Variants in MYH14 observed in about 807,000 individuals in gnomAD.
MYH14 encodes the protein myosin heavy chain 14, also known as myosin-14.
In MYH14, 123 loss-of-function variants were observed where a neutral mutation model predicts 255.5. The observed-to-expected ratio is 0.48, with a 90% CI of 0.42 to 0.56. The LOEUF (loss-of-function observed/expected upper bound fraction) is 0.56, where lower values mean the gene tolerates loss of function less well. MYH14 is among the 20% of genes least tolerant of loss of function. The probability of loss-of-function intolerance (pLI) is 0.00; values close to 1 mark genes in which losing one functional copy is unlikely to be tolerated. For synonymous variants in MYH14, 1,095 were observed against 1,161.2 expected, an observed-to-expected ratio of 0.94 and a Z score of 1.16; for missense variants, 2,423 against 2,802.3, an observed-to-expected ratio of 0.86 and a Z score of 3.06.
chr19:50,284,279 C>A (rs967798678), intron 33 of MYH14, among the ~76,000 whole-genome samples: 1 of 151,936 alleles, frequency 6.6e-6, no homozygotes. Context: ...ATAGATTGTG[C>A]TTTTAGTATT....
At position 50,257,324 on chromosome 19, in the gene MYH14, G is replaced by A. The variant is rs2034627466; in HGVS notation, c.2070G>A (p.Gln690=). The change falls in exon 18 of 43, where the codon CAG becomes CAA. Residue 690 remains glutamine (Q), a synonymous_variant. Transcript: ENST00000642316. ...PGVEGIVGLE[Q]VSSLGDGPPG... is the part of the protein sequence containing the mutation. ...TGGAGGGCATCGTGGGGCTGGAACA[G>A]GTGAGCAGCCTGGGCGACGGCCCAC... 1.2e-6 allele frequency: 2 copies of A among 1,608,558 alleles called. No homozygotes were observed. Among genetic ancestry groups the A allele is most frequent in the South Asian group, 1.1e-5 (1 of 90,142 alleles).
At chr19:50,206,432 G>T (rs2031757676) in intron 1 of MYH14, among the ~76,000 whole-genome samples, 1 of 151,492 alleles carries the variant, frequency 6.6e-6, no homozygotes. Context: ...GTGGGTGGGG[G>T]TGAGGGTAAA....
chr19:50,260,748 C>CGTGT lies in MYH14; in HGVS notation c.2424+43_2424+46dup, dbSNP rs149039486. 23,597 of 1,317,878 alleles carry CGTGT rather than the reference C, an allele frequency of 0.018. 293 individuals carry two copies. The highest frequency in any genetic ancestry group is 0.071 in the African/African-American group (4,239 of 59,838). 81.6% of individuals were successfully genotyped at this position (1,317,878 alleles called of 1,614,324 possible). A position where few individuals can be genotyped will look rare whatever the true frequency, so the allele number is the denominator to read the frequency against. ...GGGCAGAGCCTGGAATGCGTGTGTG[C>CGTGT]GTGTGTGTGTGTGCGTGCATGAGTG... On this transcript the variant is annotated intron_variant, in intron 20 of 42. Transcript: ENST00000642316.
intron 13 of MYH14, chr19:50,249,431 G>A (rs1369933978): frequency 1.6e-6 from 1 of 615,414 alleles, no homozygotes; most frequent in South Asian, 2.0e-5. Context: ...CTGTCTCTGG[G>A]TCTCTGCCTC....
At chr19:50,255,399 C>A in intron 17 of MYH14, 81 bp downstream of exon 17, 12 of 1,007,560 alleles carry the variant, frequency 1.2e-5, no homozygotes, top group Non-Finnish European at 1.8e-5. Context: ...TGGTTTTGAA[C>A]ATCTGTCCCC....
In MYH14 at chr19:50,292,337, A is replaced by C. The variant is rs1390099462; in HGVS notation, c.5204A>C (p.Glu1735Ala). 4 of 1,594,756 alleles carry C rather than the reference A, an allele frequency of 2.5e-6. No individual in the cohort carries two copies. Among genetic ancestry groups the C allele is most frequent in the Non-Finnish European group, 3.4e-6 (4 of 1,171,306 alleles). ...GAGGAGATCTTCTCCCAGAATCGGG[A>C]AAGTGAAAAGCGCCTCAAGGGCCTG... ...SREEIFSQNRESEKRLKGLEA... is the reference protein window; with the variant it reads ...SREEIFSQNRASEKRLKGLEA... The change falls in exon 37 of 43, where the codon GAA becomes GCA. Residue 1735 changes from glutamate to alanine, a missense_variant. By Grantham distance (107) the Glu-to-Ala change is moderately radical. Transcript: ENST00000642316.
chr19:50,232,508 A>G (rs2033448405), intron 10 of MYH14, among the ~76,000 whole-genome samples: 1 of 145,914 alleles, frequency 6.9e-6, no homozygotes, highest in African/African-American at 2.5e-5. Flanking sequence ...GCAGGAGAAT[A>G]GTTTGAACCC....
rs1035051378 is a variant in MYH14 at position 50,221,852 on chromosome 19, C to T, written c.563-1231C>T. Among the ~76,000 whole-genome samples, 3 of 152,162 alleles carry T rather than the reference C, an allele frequency of 2.0e-5. No homozygotes were observed. Among genetic ancestry groups the T allele is most frequent in the African/African-American group, 4.8e-5 (2 of 41,452 alleles). ...CCCAACCTCACTGGCCTTTCTGTCT[C>T]TCAAACATTTCTAACTCAGAGCCTT... is the stretch of plus-strand genomic sequence containing the variant. On this transcript the variant is annotated intron_variant, in intron 3 of 42. Coordinates refer to ENST00000642316, the MANE Select transcript of MYH14 (RefSeq NM_001145809.2). The surrounding 1 kb of genome is among the most constrained non-coding windows in gnomAD (Gnocchi z 5.3).
intron 1 of MYH14, among the ~76,000 whole-genome samples, chr19:50,209,463 CAT>C (rs1232965883): frequency 6.6e-6 from 1 of 152,080 alleles, no homozygotes; most frequent in Non-Finnish European, 1.5e-5. Context: ...GCCTGGACAA[CAT>C]AGTGAGACCC....
In MYH14 at chr19:50,293,641, G is replaced by A. The variant is rs764244284; in HGVS notation, c.5423G>A (p.Ser1808Asn). 3.1e-6 allele frequency: 5 copies of A among 1,609,918 alleles called. No homozygotes were observed. In the African/African-American group the frequency reaches 6.7e-5, roughly 22 times the overall value. ...GAGGAAGAGCTGGAGGAGGAGCAGA[G>A]CAACTCGGAGCTGCTCAATGACCGC... ...QLEEELEEEQ[S>N]NSELLNDRYR... Residue 1808 changes from serine (S) to asparagine (N), a missense_variant, in exon 39 of 43, where the codon AGC (serine) becomes AAC (asparagine). By Grantham distance (46) the Ser-to-Asn change is conservative. Around this residue, in one of 3 missense-constraint regions of MYH14, gnomAD observed 1,513 missense variants for 1,674.8 expected, o/e 0.90. Coordinates refer to ENST00000642316, the MANE Select transcript of MYH14 (RefSeq NM_001145809.2). This position sits in a 1 kb window ranked among gnomAD's most constrained non-coding sequence, Gnocchi z 4.1.
intron 12 of MYH14, among the ~76,000 whole-genome samples, chr19:50,247,961 G>A (rs1485100577): frequency 1.3e-5 from 2 of 151,404 alleles, no homozygotes; most frequent in African/African-American, 2.4e-5. Context: ...TTGGGAGGCT[G>A]AGACACGAGG....
chr19:50,308,928 C>A, intron 41 of MYH14, 77 bp from the exon 42 acceptor site: 1 of 1,373,806 alleles, frequency 7.3e-7, no homozygotes, highest in Non-Finnish European at 1.0e-6. Context: ...AGGGATGGGG[C>A]AGTAGTGGGC....
chr19:50,291,739 C>T (rs1240085088), intron 36 of MYH14, among the ~76,000 whole-genome samples: 2 of 152,018 alleles, frequency 1.3e-5, no homozygotes, highest in African/African-American at 4.8e-5. Flanking sequence ...GTGGCACGCA[C>T]CTGTGGTCTC....
intron 22 of MYH14, among the ~76,000 whole-genome samples, chr19:50,264,436 G>A (rs1012074398): frequency 6.6e-6 from 1 of 152,180 alleles, no homozygotes; most frequent in Non-Finnish European, 1.5e-5. Context: ...GGTAAACCAA[G>A]ACACTCTTAT....
intron 19 of MYH14, among the ~76,000 whole-genome samples, chr19:50,260,424 C>T (rs746852711): frequency 6.6e-6 from 1 of 152,104 alleles, no homozygotes; most frequent in Non-Finnish European, 1.5e-5. Context: ...GACTCTGTCT[C>T]AAAAAACAAA....
At position 50,247,129 on chromosome 19, in the gene MYH14, G is replaced by A. The variant is rs374953263; in HGVS notation, c.1329+7G>A. The A allele has an allele frequency of 3.1e-5, 49 of 1,599,986 alleles. No individual in the cohort carries two copies. The highest frequency in any genetic ancestry group is 2.9e-4 in the African/African-American group (22 of 74,680). ...AGCCCAGACTAAGGAACAGGTAGGC[G>A]GGGCTGGCGGTGGGCAGGCACAGAA... On this transcript the variant is annotated splice_region_variant and intron_variant, in intron 12 of 42. Coordinates refer to ENST00000642316, the MANE Select transcript of MYH14 (RefSeq NM_001145809.2).
chr19:50,296,200 T>G (rs1487415146), intron 39 of MYH14, among the ~76,000 whole-genome samples: 1 of 152,158 alleles, frequency 6.6e-6, no homozygotes, highest in Non-Finnish European at 1.5e-5. Context: ...GGTGATGTAT[T>G]TTATACAGAT....
Position 50,260,781 on chromosome 19 carries a change from ATG to A in MYH14, c.2424+75_2424+76del, listed in dbSNP as rs1356661982. The stretch of plus-strand genomic sequence containing the variant: ...TGTGTGCGTGCATGAGTGTGCGTGC[ATG>A]TGTGTGTGCATGCATATGTGTGCAT... On this transcript the variant is annotated intron_variant, in intron 20 of 42. Coordinates refer to ENST00000642316, the MANE Select transcript of MYH14 (RefSeq NM_001145809.2). The A allele has an allele frequency of 9.7e-5, 118 of 1,213,778 alleles. 2 individuals are homozygous for A. Among genetic ancestry groups the A allele is most frequent in the African/African-American group, 5.5e-4 (32 of 58,092 alleles). The allele number at this position is 1,213,778 out of a possible 1,614,324, so 75.2% of individuals were successfully genotyped here. A position where few individuals can be genotyped will look rare whatever the true frequency, so the allele number is the denominator to read the frequency against.
intron 25 of MYH14, 130 bp from the exon 26 acceptor site, chr19:50,271,719 G>C (rs71355135): frequency 6.8e-6 from 10 of 1,476,294 alleles, no homozygotes; most frequent in Non-Finnish European, 9.1e-6. Flanking sequence ...GGTGTAGGGG[G>C]AGGAAGGTCA....
Sources: allele counts gnomAD v4.1 joint callset (sites outside exome capture counted in the v4.1 genomes callset), GRCh38; gene constraint gnomAD v4.1.1; regional missense constraint gnomAD v4.1.1; non-coding constraint Gnocchi (gnomAD v3.1); transcripts MANE v1.5; gene names NCBI Gene and HGNC (gene_info 2026-07-23, HGNC 2026-07-21).